Variants in KCNIP1 observed in about 807,000 individuals in gnomAD.
KCNIP1 encodes potassium voltage-gated channel interacting protein 1.
KCNIP1 carries 18 observed loss-of-function variants against 33.0 expected under a neutral mutation model. That is an observed-to-expected ratio of 0.55 (90% CI 0.38 to 0.81). The LOEUF is 0.81. Ranked by LOEUF, KCNIP1 falls within the 30% of genes least tolerant of loss-of-function variation. The pLI is 0.00. For missense variants in KCNIP1, 238 were observed against 271.6 expected (o/e 0.88, Z 0.87); for synonymous variants, 93 against 98.3 (o/e 0.95, Z 0.32).
intron 1 of KCNIP1, among the ~76,000 whole-genome samples, chr5:170,410,852 G>C (rs757926304): frequency 1.1e-4 from 17 of 152,206 alleles, no homozygotes; most frequent in Non-Finnish European, 4.4e-5. Flanking sequence ...AAGATGCCTA[G>C]GAGGATGGTG....
At chr5:170,373,010 C>T (rs1763887942) in intron 1 of KCNIP1, among the ~76,000 whole-genome samples, 1 of 152,198 alleles carries the variant, frequency 6.6e-6, no homozygotes, top group Non-Finnish European at 1.5e-5. Context: ...GAATCACAAA[C>T]GTGGTCCAGT....
At chr5:170,437,384 C>A (rs968776935) in intron 1 of KCNIP1, among the ~76,000 whole-genome samples, 1 of 152,168 alleles carries the variant, frequency 6.6e-6, no homozygotes, top group African/African-American at 2.4e-5. Flanking sequence ...GTCCTGAACT[C>A]CCTCACAACC....
intron 1 of KCNIP1, among the ~76,000 whole-genome samples, chr5:170,661,896 G>A (rs887551035): frequency 2.0e-5 from 3 of 152,144 alleles, no homozygotes; most frequent in Non-Finnish European, 4.4e-5. Context: ...TCTACTTCTT[G>A]GGTCCCCTCT....
At chr5:170,566,029 G>A (rs1561690227) in intron 1 of KCNIP1, among the ~76,000 whole-genome samples, 6 of 152,020 alleles carry the variant, frequency 3.9e-5, no homozygotes. Context: ...TGAACTATCT[G>A]TATTATTATT....
chr5:170,592,225 A>C (rs1581371252), intron 1 of KCNIP1, among the ~76,000 whole-genome samples: 1 of 152,206 alleles, frequency 6.6e-6, no homozygotes, highest in Non-Finnish European at 1.5e-5. Flanking sequence ...CCTGATGATT[A>C]GTGATGGGTG....
chr5:170,612,017 G>A lies in KCNIP1; in HGVS notation c.62-106741G>A, dbSNP rs141998269. 2.4e-3 allele frequency among the ~76,000 whole-genome samples: 362 copies of A among 152,328 alleles called. 3 individuals carry two copies. The highest frequency in any genetic ancestry group is 8.2e-3 in the African/African-American group (340 of 41,568). ...TTCCTCCTGGAGTTCATGTTCAAGT[G>A]AATAATGGCCCCACACCTCGATTAA... is the stretch of plus-strand genomic sequence containing the variant. On this transcript the variant is annotated intron_variant, in intron 1 of 7. Transcript: ENST00000328939.
intron 1 of KCNIP1, among the ~76,000 whole-genome samples, chr5:170,565,504 G>T (rs928398043): frequency 6.6e-6 from 1 of 152,108 alleles, no homozygotes. Flanking sequence ...AAGACACTCT[G>T]TTCTTCTCTA....
At chr5:170,381,626 G>T (rs1376393737) in intron 1 of KCNIP1, among the ~76,000 whole-genome samples, 3 of 152,178 alleles carry the variant, frequency 2.0e-5, no homozygotes, top group African/African-American at 7.2e-5. Context: ...CACCACACCT[G>T]GTCAAGCCTG....
intron 1 of KCNIP1, among the ~76,000 whole-genome samples, chr5:170,588,718 T>G (rs1758093190): frequency 6.6e-6 from 1 of 152,142 alleles, no homozygotes; most frequent in African/African-American, 2.4e-5. Context: ...AGGCTTCACA[T>G]GTGTAGGCTG....
chr5:170,384,525 G>C (rs542286932), intron 1 of KCNIP1, among the ~76,000 whole-genome samples: 1 of 152,306 alleles, frequency 6.6e-6, no homozygotes, highest in East Asian at 1.9e-4. Context: ...GCCCGGGAGA[G>C]GCTAACAGGT....
chr5:170,692,652 G>T (rs1292123869), intron 1 of KCNIP1, among the ~76,000 whole-genome samples: 1 of 152,152 alleles, frequency 6.6e-6, no homozygotes, highest in Non-Finnish European at 1.5e-5. Flanking sequence ...TCACCTCCCA[G>T]GATTGTTGGG....
intron 1 of KCNIP1, among the ~76,000 whole-genome samples, chr5:170,456,333 G>T (rs932143546): frequency 6.6e-6 from 1 of 151,998 alleles, no homozygotes; most frequent in Non-Finnish European, 1.5e-5. Context: ...AGTGGAGGGA[G>T]AGCATTAGGA....
At chr5:170,685,032 T>C (rs184361537) in intron 1 of KCNIP1, among the ~76,000 whole-genome samples, 73 of 152,266 alleles carry the variant, frequency 4.8e-4, no homozygotes, top group Non-Finnish European at 9.3e-4. Context: ...TCAAGGTTTA[T>C]AATGCTCCCA....
At chr5:170,623,221 TC>T (rs1472325225) in intron 1 of KCNIP1, among the ~76,000 whole-genome samples, 7 of 149,614 alleles carry the variant, frequency 4.7e-5, no homozygotes, top group Non-Finnish European at 5.9e-5. Flanking sequence ...TTTTTTTTTT[TC>T]TTTTTTTTGA....
chr5:170,731,374 A>T (rs1231971446), intron 5 of KCNIP1, among the ~76,000 whole-genome samples: 1 of 152,196 alleles, frequency 6.6e-6, no homozygotes, highest in African/African-American at 2.4e-5. Flanking sequence ...ACCTGTACTC[A>T]TATCAAAAGT....
At chr5:170,472,676 G>A (rs201513743) in intron 1 of KCNIP1, among the ~76,000 whole-genome samples, 8 of 136,366 alleles carry the variant, frequency 5.9e-5, no homozygotes, top group Admixed American at 1.6e-4. Flanking sequence ...GAGAACATAC[G>A]ACGTTTGGTT....
intron 5 of KCNIP1, among the ~76,000 whole-genome samples, chr5:170,728,217 C>T (rs1298986934): frequency 6.6e-6 from 1 of 152,066 alleles, no homozygotes. Context: ...TATGGTAACA[C>T]GCGGAGATTC....
intron 1 of KCNIP1, among the ~76,000 whole-genome samples, chr5:170,530,672 G>T (rs1208198334): frequency 1.3e-5 from 2 of 152,200 alleles, no homozygotes; most frequent in Non-Finnish European, 2.9e-5. Context: ...CCCAAGGTGG[G>T]TATTCAAACT....
intron 1 of KCNIP1, among the ~76,000 whole-genome samples, chr5:170,418,064 C>G (rs909543606): frequency 1.3e-5 from 2 of 152,288 alleles, no homozygotes; most frequent in East Asian, 3.9e-4. Context: ...CTTTCTCCAC[C>G]CCTCCTTTAA....
Sources: gnomAD v4.1 joint callset for allele counts (sites outside exome capture counted in the v4.1 genomes callset) on GRCh38, gnomAD v4.1.1 for gene constraint, MANE v1.5 for transcripts, NCBI Gene and HGNC (gene_info 2026-07-23, HGNC 2026-07-21) for gene names.